CLSTN2: variants seen among roughly 807,000 people sequenced by gnomAD.
CLSTN2 encodes calsyntenin 2.
In CLSTN2, 48 loss-of-function variants were observed where a neutral mutation model predicts 101.2. The ratio of observed to expected loss-of-function variants is 0.47; its 90% CI spans 0.38 to 0.60. The LOEUF (loss-of-function observed/expected upper bound fraction) is 0.60, where lower values mean the gene tolerates loss of function less well. CLSTN2 is among the 20% of genes least tolerant of loss of function. The pLI, the probability that CLSTN2 is intolerant of heterozygous loss-of-function variation, is 0.00. For synonymous variants in CLSTN2, 481 were observed against 463.6 expected, an observed-to-expected ratio of 1.04 and a Z score of -0.48; for missense variants, 1,160 against 1,238.2, an observed-to-expected ratio of 0.94 and a Z score of 0.95.
intron 8 of CLSTN2, among the ~76,000 whole-genome samples, chr3:140,472,805 G>C (rs1469256146): frequency 6.6e-6 from 1 of 152,162 alleles, no homozygotes; most frequent in African/African-American, 2.4e-5. Context: ...GTGTGTTTTG[G>C]GGGTAGGGAG....
At chr3:140,052,968 G>A (rs1252707352) in intron 1 of CLSTN2, among the ~76,000 whole-genome samples, 6 of 152,340 alleles carry the variant, frequency 3.9e-5, no homozygotes, top group Admixed American at 2.6e-4. Flanking sequence ...CAGGCTGTTT[G>A]TAGGGACAGA....
At chr3:140,113,582 G>A (rs1169090549) in intron 1 of CLSTN2, among the ~76,000 whole-genome samples, 3 of 152,146 alleles carry the variant, frequency 2.0e-5, no homozygotes, top group African/African-American at 7.2e-5. Context: ...GTGAGAAATT[G>A]GACTGTGGGG....
chr3:140,192,227 A>G (rs915772243), intron 2 of CLSTN2, among the ~76,000 whole-genome samples: 3 of 151,882 alleles, frequency 2.0e-5, no homozygotes, highest in African/African-American at 7.2e-5. Flanking sequence ...TTTACTTTAT[A>G]TTCCAGTATA....
At chr3:140,203,687 G>C (rs1015148401) in intron 2 of CLSTN2, among the ~76,000 whole-genome samples, 1 of 152,058 alleles carries the variant, frequency 6.6e-6, no homozygotes, top group Non-Finnish European at 1.5e-5. Context: ...AGATTTGTTA[G>C]GGAGCCTGAC....
chr3:140,382,327 C>G (rs1388932808), intron 2 of CLSTN2, among the ~76,000 whole-genome samples: 2 of 152,202 alleles, frequency 1.3e-5, no homozygotes, highest in African/African-American at 4.8e-5. Flanking sequence ...AGATCCTTCA[C>G]AGAGTGGGTG....
At chr3:139,951,748 C>G (rs1935299679) in intron 1 of CLSTN2, among the ~76,000 whole-genome samples, 1 of 152,148 alleles carries the variant, frequency 6.6e-6, no homozygotes, top group Non-Finnish European at 1.5e-5. Context: ...GAAAGAGGAG[C>G]TTGACAAATC....
At chr3:140,548,597 A>G (rs1050988108) in intron 10 of CLSTN2, among the ~76,000 whole-genome samples, 1 of 152,180 alleles carries the variant, frequency 6.6e-6, no homozygotes, top group African/African-American at 2.4e-5. Context: ...GATGGGAAAG[A>G]GGGAAGTCAT....
chr3:140,168,056 C>A (rs2010160589), intron 1 of CLSTN2, among the ~76,000 whole-genome samples: 1 of 152,108 alleles, frequency 6.6e-6, no homozygotes, highest in Non-Finnish European at 1.5e-5. Flanking sequence ...TGTTTTCATT[C>A]CTCTTGGGTA....
At chr3:140,085,403 T>G (rs1187364753) in intron 1 of CLSTN2, among the ~76,000 whole-genome samples, 1 of 152,162 alleles carries the variant, frequency 6.6e-6, no homozygotes, top group Non-Finnish European at 1.5e-5. Context: ...AGCAGGGCTG[T>G]GGTATAAGCT....
intron 1 of CLSTN2, among the ~76,000 whole-genome samples, chr3:140,161,375 C>G (rs974959097): frequency 1.3e-5 from 2 of 152,092 alleles, no homozygotes; most frequent in African/African-American, 4.8e-5. Context: ...TTTCTCCAAC[C>G]AGGTTGCAAA....
intron 2 of CLSTN2, among the ~76,000 whole-genome samples, chr3:140,295,090 G>A (rs1226130818): frequency 6.6e-6 from 1 of 152,066 alleles, no homozygotes; most frequent in East Asian, 1.9e-4. Context: ...CCTTCCCTCT[G>A]TAAAATTTTC....
At chr3:140,270,251 C>T (rs1185165826) in intron 2 of CLSTN2, among the ~76,000 whole-genome samples, 1 of 152,146 alleles carries the variant, frequency 6.6e-6, no homozygotes, top group Non-Finnish European at 1.5e-5. Flanking sequence ...GAGATGTACA[C>T]TCAAAGAAGT....
At chr3:140,399,154 C>T (rs921872683) in intron 2 of CLSTN2, among the ~76,000 whole-genome samples, 3 of 152,246 alleles carry the variant, frequency 2.0e-5, no homozygotes, top group African/African-American at 7.2e-5. Flanking sequence ...GGCACAGTAG[C>T]AGTTCTCTCA....
intron 1 of CLSTN2, among the ~76,000 whole-genome samples, chr3:140,040,560 T>C (rs931957044): frequency 6.6e-6 from 1 of 151,898 alleles, no homozygotes; most frequent in African/African-American, 2.4e-5. Flanking sequence ...GTGCACATGT[T>C]AGTATTCCTC....
intron 1 of CLSTN2, among the ~76,000 whole-genome samples, chr3:140,130,312 GCAAT>G (rs910454699): frequency 2.6e-5 from 4 of 152,274 alleles, no homozygotes; most frequent in African/African-American, 7.2e-5. Context: ...GGAGCCCTCT[GCAAT>G]CACATTGGAA....
chr3:139,940,487 C>T (rs1935107999), intron 1 of CLSTN2, among the ~76,000 whole-genome samples: 2 of 152,026 alleles, frequency 1.3e-5, no homozygotes, highest in Admixed American at 1.3e-4. Flanking sequence ...TATACAATGA[C>T]TAATTATTGA....
chr3:140,468,820 TC>T (rs1933769763), intron 8 of CLSTN2, among the ~76,000 whole-genome samples: 1 of 152,244 alleles, frequency 6.6e-6, no homozygotes, highest in South Asian at 2.1e-4. Flanking sequence ...TACAAAATGT[TC>T]ATAGTCTTGA....
In CLSTN2 at chr3:140,448,555, G is replaced by A; in HGVS notation, c.824G>A (p.Gly275Glu). ...AGGATTGAGTACCAGCCTGGCTCCG[G>A]GAGCATGCCCCTGTTCCCCAGCATC... ...TKRIEYQPGS[G>E]SMPLFPSIHL... The change falls in exon 6 of 17, where the codon GGG (glycine) becomes GAG (glutamate). Residue 275 changes from glycine (G) to glutamate (E), a missense_variant. By Grantham distance (98) the Gly-to-Glu change is moderately conservative (BLOSUM62 -2). Transcript: ENST00000458420. 1 of 1,613,998 alleles carries A rather than the reference G, an allele frequency of 6.2e-7. No homozygotes were observed. Among genetic ancestry groups the A allele is most frequent in the Non-Finnish European group, 8.5e-7 (1 of 1,179,982 alleles).
chr3:140,481,800 T>C (rs1445910620), intron 8 of CLSTN2, among the ~76,000 whole-genome samples: 1 of 152,250 alleles, frequency 6.6e-6, no homozygotes, highest in Non-Finnish European at 1.5e-5. Flanking sequence ...ATTGATTTTG[T>C]ATCCTGAGAC....
Sources: gnomAD v4.1 joint callset for allele counts (sites outside exome capture counted in the v4.1 genomes callset) on GRCh38, gnomAD v4.1.1 for gene constraint, MANE v1.5 for transcripts, NCBI Gene and HGNC (gene_info 2026-07-23, HGNC 2026-07-21) for gene names.